NRG1: variants seen among roughly 807,000 people sequenced by gnomAD.
The protein encoded by NRG1 is pro-neuregulin-1, membrane-bound isoform.
Under a neutral mutation model 63.8 loss-of-function variants are expected in NRG1, and 18 were observed. That is an observed-to-expected ratio of 0.28 (90% CI 0.19 to 0.42). NRG1 has a LOEUF of 0.42. NRG1 is among the 10% of genes least tolerant of loss of function. NRG1 has a pLI of 1.00. For synonymous variants in NRG1, 302 were observed against 301.3 expected (o/e 1.00, Z -0.02); for missense variants, 762 against 814.7 (o/e 0.94, Z 0.79).
At chr8:32,359,418 C>G (rs1806928718) in intron 1 of NRG1, among the ~76,000 whole-genome samples, 1 of 152,026 alleles carries the variant, frequency 6.6e-6, no homozygotes, top group Non-Finnish European at 1.5e-5. Flanking sequence ...AATCTTGCCC[C>G]ATCATAGATA....
At chr8:31,709,783 T>C (rs1044141466) in intron 1 of NRG1, among the ~76,000 whole-genome samples, 7 of 151,900 alleles carry the variant, frequency 4.6e-5, no homozygotes, top group Non-Finnish European at 7.4e-5. Context: ...TTTTCTTTGT[T>C]TTTGTGGCTT....
intron 1 of NRG1, among the ~76,000 whole-genome samples, chr8:32,209,192 C>T (rs1844398792): frequency 6.6e-6 from 1 of 152,138 alleles, no homozygotes; most frequent in South Asian, 2.1e-4. Context: ...ATGCGTTTCT[C>T]TCCATGGACT....
chr8:31,682,606 T>C (rs943957519), intron 1 of NRG1, among the ~76,000 whole-genome samples: 1 of 152,094 alleles, frequency 6.6e-6, no homozygotes, highest in African/African-American at 2.4e-5. Context: ...ATACTATTTC[T>C]CCAACTTTCC....
chr8:31,936,554 G>A (rs1016521268), intron 1 of NRG1, among the ~76,000 whole-genome samples: 4 of 152,100 alleles, frequency 2.6e-5, no homozygotes, highest in African/African-American at 9.7e-5. Context: ...GTACAACCTG[G>A]TATTACATTT....
At chr8:32,711,073 A>G (rs1817680691) in intron 5 of NRG1, among the ~76,000 whole-genome samples, 1 of 152,156 alleles carries the variant, frequency 6.6e-6, no homozygotes, top group Non-Finnish European at 1.5e-5. Flanking sequence ...TTTTAGCTAC[A>G]AGGTGACATA....
At chr8:32,575,692 G>A (rs1839494642) in intron 1 of NRG1, among the ~76,000 whole-genome samples, 1 of 152,176 alleles carries the variant, frequency 6.6e-6, no homozygotes, top group African/African-American at 2.4e-5. Flanking sequence ...GAGTATTCTT[G>A]TAAAGATTAA....
intron 1 of NRG1, among the ~76,000 whole-genome samples, chr8:32,557,346 T>C (rs1227971675): frequency 2.0e-5 from 3 of 152,220 alleles, no homozygotes; most frequent in Non-Finnish European, 4.4e-5. Flanking sequence ...AAATCTGTTT[T>C]TATATCTTTT....
At chr8:31,714,444 T>G (rs951217679) in intron 1 of NRG1, among the ~76,000 whole-genome samples, 4 of 152,182 alleles carry the variant, frequency 2.6e-5, no homozygotes, top group African/African-American at 9.6e-5. Context: ...TTTACTTTTT[T>G]TCCTCCATTT....
rs533292975 is a variant in NRG1, at chr8:32,355,569, G to A, written c.38-240259G>A. 3.5e-4 allele frequency among the ~76,000 whole-genome samples: 53 copies of A among 151,970 alleles called. No homozygotes were observed. In the Middle Eastern group the frequency reaches 0.024, roughly 68 times the overall value. On this transcript the variant is annotated intron_variant, in intron 1 of 10. Coordinates refer to the NRG1 transcript ENST00000519301. ...GTCCTATGAAACAGGGACTTAGTTG[G>A]ATATTTCTATTTTTAAAAAGGCAAA...
chr8:32,296,555 A>C (rs1001729939), intron 1 of NRG1, among the ~76,000 whole-genome samples: 3 of 151,762 alleles, frequency 2.0e-5, no homozygotes, highest in Non-Finnish European at 4.4e-5. Flanking sequence ...TGGAGGTTGC[A>C]ATGAGCCAAG....
chr8:32,515,682 C>T (rs1157269169), intron 1 of NRG1, among the ~76,000 whole-genome samples: 4 of 152,100 alleles, frequency 2.6e-5, no homozygotes, highest in Non-Finnish European at 4.4e-5. Flanking sequence ...CTCAATGATC[C>T]TCCCACCTTA....
At chr8:32,454,894 A>AT (rs1400224682) in intron 1 of NRG1, among the ~76,000 whole-genome samples, 2 of 152,012 alleles carry the variant, frequency 1.3e-5, no homozygotes, top group African/African-American at 2.4e-5. Context: ...CATGTATAAC[A>AT]TTTTTTTGTC....
At chr8:32,701,167 T>G (rs1011557576) in intron 5 of NRG1, among the ~76,000 whole-genome samples, 1 of 152,212 alleles carries the variant, frequency 6.6e-6, no homozygotes, top group Non-Finnish European at 1.5e-5. Flanking sequence ...TATCCTCATC[T>G]TCTCTATTTT....
intron 1 of NRG1, among the ~76,000 whole-genome samples, chr8:32,269,632 A>G (rs1172528507): frequency 1.3e-5 from 2 of 152,144 alleles, no homozygotes; most frequent in African/African-American, 4.8e-5. Context: ...GAGCTCTCTG[A>G]GTTACAGTTA....
chr8:31,780,910 C>T (rs949200618), intron 1 of NRG1, among the ~76,000 whole-genome samples: 2 of 152,166 alleles, frequency 1.3e-5, no homozygotes, highest in African/African-American at 4.8e-5. Context: ...TTATGAGCTC[C>T]ATTGATCCTA....
chr8:32,250,064 T>C (rs567656547), intron 1 of NRG1, among the ~76,000 whole-genome samples: 4 of 152,230 alleles, frequency 2.6e-5, no homozygotes, highest in South Asian at 4.2e-4. Flanking sequence ...GAGAGGTTTC[T>C]TAATCATTAC....
At chr8:32,327,848 T>G (rs973221978) in intron 1 of NRG1, among the ~76,000 whole-genome samples, 3 of 152,140 alleles carry the variant, frequency 2.0e-5, no homozygotes, top group Admixed American at 6.5e-5. Context: ...GCCAGATGAA[T>G]GTGTCAATAA....
At chr8:32,379,341 A>T (rs1810047244) in intron 1 of NRG1, among the ~76,000 whole-genome samples, 1 of 152,198 alleles carries the variant, frequency 6.6e-6, no homozygotes, top group Non-Finnish European at 1.5e-5. Context: ...ATGAGGGCTT[A>T]GCCCTTGAGG....
At chr8:31,954,895 A>G (rs1405625682) in intron 1 of NRG1, among the ~76,000 whole-genome samples, 5 of 152,110 alleles carry the variant, frequency 3.3e-5, no homozygotes, top group African/African-American at 1.2e-4. Flanking sequence ...GACCTCCAAT[A>G]CTTTAGCTGG....
Sources: allele counts gnomAD v4.1 joint callset (sites outside exome capture counted in the v4.1 genomes callset), GRCh38; gene constraint gnomAD v4.1.1; transcripts MANE v1.5; gene names NCBI Gene and HGNC (gene_info 2026-07-23, HGNC 2026-07-21).